Variants in HS2ST1 observed in about 807,000 individuals in gnomAD.
HS2ST1 encodes 2-O-sulfotransferase.
In HS2ST1, 18 loss-of-function variants were observed where a neutral mutation model predicts 42.9. The ratio of observed to expected loss-of-function variants is 0.42; its 90% CI spans 0.29 to 0.62. HS2ST1 has a LOEUF of 0.62. Ranked by LOEUF, HS2ST1 falls within the 20% of genes least tolerant of loss-of-function variation. HS2ST1 has a pLI of 0.21. For missense variants in HS2ST1, 334 were observed against 433.8 expected, an observed-to-expected ratio of 0.77 and a Z score of 2.04; for synonymous variants, 146 against 152.9, an observed-to-expected ratio of 0.95 and a Z score of 0.33.
rs1474619891 is a variant in HS2ST1, at chr1:86,914,931, C to T, written c.-106C>T. The stretch of plus-strand genomic sequence containing the variant: ...GGTGGTTCTCTCGCTGTCGCTCTCT[C>T]TTTGCCTCGCTCCCGGCTCGGCGGG... On this transcript the variant is annotated 5_prime_UTR_variant, in exon 1 of 7. Coordinates refer to ENST00000370550, the MANE Select transcript of HS2ST1 (RefSeq NM_012262.4). 5 of 1,441,248 alleles carry T rather than the reference C, an allele frequency of 3.5e-6. No individual in the cohort carries two copies. The African/African-American group carries it at 5.6e-5, about 16-fold the overall frequency. 89.3% of individuals were successfully genotyped at this position (1,441,248 alleles called of 1,614,324 possible).
rs775119706 is a variant in HS2ST1, at chr1:87,104,517, A to G, written c.892A>G (p.Lys298Glu). 3.1e-6 allele frequency: 5 copies of G among 1,613,558 alleles called. No individual in the cohort carries two copies. In the Admixed American group the frequency reaches 6.7e-5, roughly 22 times the overall value. ...AACCACAGAGAAGAAACTCCCCACTAAACAAACCATTGCAAAACTACAGCA... is the reference window on the plus strand; with the variant it reads ...AACCACAGAGAAGAAACTCCCCACTGAACAAACCATTGCAAAACTACAGCA... ...RKTTEKKLPTKQTIAKLQQSD... is the reference protein window; with the variant it reads ...RKTTEKKLPTEQTIAKLQQSD... The change falls in exon 7 of 7, where the codon AAA becomes GAA. Residue 298 changes from lysine (K) to glutamate (E), a missense_variant. Transcript: ENST00000370550.
At chr1:87,013,441 G>A (rs1649660559) in intron 1 of HS2ST1, among the ~76,000 whole-genome samples, 1 of 152,228 alleles carries the variant, frequency 6.6e-6, no homozygotes, top group South Asian at 2.1e-4. Flanking sequence ...AGGGCACCAA[G>A]TCCTGAGACT....
chr1:87,044,509 A>T (rs952081145), intron 1 of HS2ST1, among the ~76,000 whole-genome samples: 10 of 152,220 alleles, frequency 6.6e-5, no homozygotes, highest in African/African-American at 2.2e-4. Flanking sequence ...TACTTCTTTG[A>T]ATCTGTTTCA....
intron 4 of HS2ST1, among the ~76,000 whole-genome samples, chr1:87,094,239 A>G (rs192729411): frequency 7.2e-5 from 11 of 152,142 alleles, no homozygotes; most frequent in Admixed American, 7.2e-4. Flanking sequence ...GATTGCAGTC[A>G]TGTAGGCCCC....
intron 5 of HS2ST1, among the ~76,000 whole-genome samples, chr1:87,099,937 T>C (rs1331048883): frequency 6.6e-6 from 1 of 152,180 alleles, no homozygotes; most frequent in Non-Finnish European, 1.5e-5. Context: ...CTTGACTTCA[T>C]CTCCTGCATC....
intron 1 of HS2ST1, among the ~76,000 whole-genome samples, chr1:87,009,807 G>T (rs1201118073): frequency 1.3e-5 from 2 of 152,002 alleles, no homozygotes; most frequent in African/African-American, 2.4e-5. Flanking sequence ...GGCCGAGGCG[G>T]GTGGATCACG....
intron 1 of HS2ST1, among the ~76,000 whole-genome samples, chr1:86,947,697 T>C (rs544662336): frequency 7.2e-4 from 109 of 152,084 alleles, no homozygotes; most frequent in African/African-American, 2.5e-3. Flanking sequence ...GGTGTATAGA[T>C]AAGAAAGATT....
chr1:87,061,553 C>A (rs1326219121), intron 1 of HS2ST1, among the ~76,000 whole-genome samples: 1 of 152,106 alleles, frequency 6.6e-6, no homozygotes, highest in South Asian at 2.1e-4. Context: ...TATTGTATTA[C>A]TAACATATAT....
chr1:87,066,576 T>A (rs1018321274), intron 1 of HS2ST1, among the ~76,000 whole-genome samples: 73 of 152,044 alleles, frequency 4.8e-4, no homozygotes, highest in African/African-American at 9.9e-4. Flanking sequence ...TCTTAAAAAA[T>A]TTTTTTTTAT....
chr1:86,954,287 T>G (rs2102190051), intron 1 of HS2ST1, among the ~76,000 whole-genome samples: 1 of 151,962 alleles, frequency 6.6e-6, no homozygotes, highest in African/African-American at 2.4e-5. Context: ...AGGCAGAGGT[T>G]GCAGTGAGCC....
chr1:87,046,658 C>A (rs941101251), intron 1 of HS2ST1: 9 of 1,518,556 alleles, frequency 5.9e-6, no homozygotes, highest in Middle Eastern at 1.8e-4. Context: ...ACAGAATGAA[C>A]CCCAGTTAGG....
At chr1:86,994,986 T>C (rs1397847868) in intron 1 of HS2ST1, among the ~76,000 whole-genome samples, 1 of 152,134 alleles carries the variant, frequency 6.6e-6, no homozygotes, top group Non-Finnish European at 1.5e-5. Flanking sequence ...AGTTCATTAA[T>C]GCTTGCTTAA....
intron 1 of HS2ST1, among the ~76,000 whole-genome samples, chr1:86,946,866 T>TA (rs1365937904): frequency 6.6e-6 from 1 of 152,218 alleles, no homozygotes; most frequent in Non-Finnish European, 1.5e-5. Flanking sequence ...GTAAAAAACT[T>TA]AGACTTGTGA....
Position 87,073,182 on chromosome 1 carries a change from A to C in HS2ST1, c.363+10A>C. 6.5e-7 allele frequency: 1 copy of C among 1,547,080 alleles called. No individual in the cohort carries two copies. The highest frequency in any genetic ancestry group is 8.9e-7 in the Non-Finnish European group (1 of 1,119,458). ...GTCATTGCAAGATCAGGTAATTACC[A>C]CTTAAGGAATGCCCAAATATTTTCT... On this transcript the variant is annotated intron_variant, in intron 2 of 6. Coordinates refer to ENST00000370550, the MANE Select transcript of HS2ST1 (RefSeq NM_012262.4).
chr1:86,988,896 T>G (rs1000247297), intron 1 of HS2ST1, among the ~76,000 whole-genome samples: 10 of 152,228 alleles, frequency 6.6e-5, no homozygotes, highest in Non-Finnish European at 1.3e-4. Flanking sequence ...GTAGTGAGTC[T>G]CGAACATTAC....
intron 1 of HS2ST1, among the ~76,000 whole-genome samples, chr1:86,961,143 A>T (rs1304827252): frequency 5.0e-4 from 1 of 2,000 alleles, no homozygotes; most frequent in Non-Finnish European, 3.2e-3. Context: ...CTATTTAATA[A>T]AAAAAAAAAA....
chr1:87,076,982 G>A (rs990969876), intron 2 of HS2ST1, among the ~76,000 whole-genome samples: 2 of 152,142 alleles, frequency 1.3e-5, no homozygotes, highest in African/African-American at 4.8e-5. Context: ...ATACTTTTCA[G>A]AGCAGCACTT....
chr1:86,953,805 T>C (rs1647593218), intron 1 of HS2ST1, among the ~76,000 whole-genome samples: 1 of 151,822 alleles, frequency 6.6e-6, no homozygotes, highest in Admixed American at 6.6e-5. Context: ...ATGGGACTCT[T>C]CCTTTCACTT....
At chr1:86,934,045 C>T (rs1660594026) in intron 1 of HS2ST1, among the ~76,000 whole-genome samples, 1 of 152,116 alleles carries the variant, frequency 6.6e-6, no homozygotes, top group African/African-American at 2.4e-5. Context: ...CTTAGTGAGC[C>T]TGTGTCTTTG....
Sources: allele counts gnomAD v4.1 joint callset (sites outside exome capture counted in the v4.1 genomes callset), GRCh38; gene constraint gnomAD v4.1.1; transcripts MANE v1.5; gene names NCBI Gene and HGNC (gene_info 2026-07-23, HGNC 2026-07-21).